PRTN3: variants seen among roughly 807,000 people sequenced by gnomAD.
The protein encoded by PRTN3 is myeloblastin.
A neutral mutation model predicts 20.7 loss-of-function variants in PRTN3; 22 were observed. The observed-to-expected ratio is 1.06, with a 90% CI of 0.76 to 1.52. PRTN3 has a LOEUF of 1.52. PRTN3 is among the 40% of genes most tolerant of loss of function. The pLI, the probability that PRTN3 is intolerant of heterozygous loss-of-function variation, is 0.00. For synonymous variants in PRTN3, 173 were observed against 152.9 expected (o/e 1.13, Z -0.97); for missense variants, 378 against 359.6 (o/e 1.05, Z -0.41).
rs761426816 is a variant in PRTN3 at position 843,453 on chromosome 19, C to G, written c.62-8C>G. 7 of 1,553,020 alleles carry G rather than the reference C, an allele frequency of 4.5e-6. No individual in the cohort carries two copies. The highest frequency in any genetic ancestry group is 1.7e-4 in the Middle Eastern group (1 of 5,880). On this transcript the variant is annotated splice_region_variant and splice_polypyrimidine_tract_variant and intron_variant, in intron 1 of 4. Coordinates refer to ENST00000234347, the MANE Select transcript of PRTN3 (RefSeq NM_002777.4). ...GGGCTCCCTGACGCCTGGACTCCCC[C>G]CCTGCAGGTGCTGCCCGAGCTGCGG...
In PRTN3 at chr19:847,866, G is replaced by T; in HGVS notation, c.668G>T (p.Gly223Val). 6.2e-7 allele frequency: 1 copy of T among 1,608,286 alleles called. No individual in the cohort carries two copies. Among genetic ancestry groups the T allele is most frequent in the South Asian group, 1.1e-5 (1 of 89,888 alleles). Reference protein sequence around the residue: ...IQGIDSFVIWGCATRLFPDFF... With the variant: ...IQGIDSFVIWVCATRLFPDFF... ...GGAATAGACTCCTTCGTGATCTGGG[G>T]ATGTGCCACCCGCCTTTTCCCTGAC... The change falls in exon 5 of 5, where the codon GGA (glycine) becomes GTA (valine). Residue 223 changes from glycine to valine, a missense_variant. Transcript: ENST00000234347.
In PRTN3 at chr19:847,767, C is replaced by T. The variant is rs180723706; in HGVS notation, c.601-32C>T. ...TCCTCCAGGGAGACTCAGGTGGCCC[C>T]TGATGGGTGACTGGCCGTCCCTGTC... On this transcript the variant is annotated intron_variant, in intron 4 of 4. Coordinates refer to ENST00000234347, the MANE Select transcript of PRTN3 (RefSeq NM_002777.4). 274 of 1,587,588 alleles carry T rather than the reference C, an allele frequency of 1.7e-4. 1 individual carries two copies. In the African/African-American group the frequency reaches 3.5e-3, roughly 20 times the overall value.
In PRTN3 at chr19:848,086, C is replaced by T. The variant is rs750281886; in HGVS notation, c.*117C>T. The T allele has an allele frequency of 4.4e-5, 57 of 1,286,680 alleles. No individual in the cohort carries two copies. The highest frequency in any genetic ancestry group is 5.5e-5 in the Non-Finnish European group (52 of 950,890). The allele number at this position is 1,286,680 out of a possible 1,614,324, so 79.7% of individuals were successfully genotyped here. A position where few individuals can be genotyped will look rare whatever the true frequency, so the allele number is the denominator to read the frequency against. Reference sequence around the variant, plus strand: ...CTGTGGCGTCCGGGACGGCCCCACCCGTCCCCCCACACTCCCTCCCACGGG... The same window carrying T: ...CTGTGGCGTCCGGGACGGCCCCACCTGTCCCCCCACACTCCCTCCCACGGG... On this transcript the variant is annotated 3_prime_UTR_variant, in exon 5 of 5. Coordinates refer to ENST00000234347, the MANE Select transcript of PRTN3 (RefSeq NM_002777.4).
chr19:844,642 G>A (rs1380103389), intron 3 of PRTN3, among the ~76,000 whole-genome samples: 3 of 150,142 alleles, frequency 2.0e-5, no homozygotes, highest in Non-Finnish European at 3.0e-5. Context: ...AGCCCTCCCC[G>A]ATTCACTGTT....
chr19:843,275 G>C lies in PRTN3; in HGVS notation c.62-186G>C, dbSNP rs1184673469. On this transcript the variant is annotated intron_variant, in intron 1 of 4. Transcript: ENST00000234347. ...CAGGACTGAAAGCTGCCACCAGGGC[G>C]CCTTTGGAAATCGTCGTAATTATAA... 5.0e-6 allele frequency: 3 copies of C among 595,282 alleles called. No individual in the cohort carries two copies. In the Admixed American group the frequency reaches 9.6e-5, roughly 19 times the overall value. 36.9% of individuals were successfully genotyped at this position (595,282 alleles called of 1,614,324 possible). A position where few individuals can be genotyped will look rare whatever the true frequency, so the allele number is the denominator to read the frequency against.
intron 4 of PRTN3, among the ~76,000 whole-genome samples, chr19:847,525 G>GAA (rs1555707973): frequency 1.4e-5 from 2 of 147,622 alleles, no homozygotes; most frequent in Non-Finnish European, 3.0e-5. Context: ...AAGAAAAAGA[G>GAA]AGAAAGAAAG....
Position 847,801 on chromosome 19 carries a change from AG to A in PRTN3, c.604del (p.Asp202ThrfsTer6), listed in dbSNP as rs769625890. 3.7e-6 allele frequency: 6 copies of A among 1,607,184 alleles called. No homozygotes were observed. The Admixed American group carries it at 1.0e-4, about 27-fold the overall frequency. On this transcript the variant is annotated frameshift_variant, in exon 5 of 5. Coordinates refer to ENST00000234347, the MANE Select transcript of PRTN3 (RefSeq NM_002777.4). LOFTEE classifies it low-confidence loss of function (END_TRUNC). ...GACTGGCCGTCCCTGTCCTCCAGGG[AG>A]ACTCAGGTGGCCCCCTGATCTGTGA... Reference protein sequence around the residue: ...PRRKAGICFGDSGGPLICDGI... With the variant: ...PRRKAGICFGXSGGPLICDGI...
intron 4 of PRTN3, among the ~76,000 whole-genome samples, 179 bp downstream of exon 4, chr19:846,556 T>C (rs919528919): frequency 6.6e-6 from 1 of 152,036 alleles, no homozygotes; most frequent in Non-Finnish European, 1.5e-5. Flanking sequence ...GGCGCTCACA[T>C]TGCACCTGGC....
chr19:844,521 C>T (rs1436199222), intron 3 of PRTN3, among the ~76,000 whole-genome samples: 1 of 132,492 alleles, frequency 7.5e-6, no homozygotes, highest in Non-Finnish European at 1.6e-5. Context: ...CCTGCCTGCC[C>T]CTCTCCCCTG....
intron 1 of PRTN3, 69 bp downstream of exon 1, chr19:841,138 G>A (rs1486219989): frequency 3.2e-6 from 5 of 1,557,110 alleles, no homozygotes; most frequent in South Asian, 1.2e-5. Flanking sequence ...TATCCACCAC[G>A]AGGTCCATCC....
At chr19:841,137 C>G (rs1190450417) in intron 1 of PRTN3, 68 bp downstream of exon 1, 2 of 1,549,096 alleles carry the variant, frequency 1.3e-6, no homozygotes, top group African/African-American at 1.3e-5. Flanking sequence ...ATATCCACCA[C>G]GAGGTCCATC....
rs776206527 is a variant in PRTN3 at position 846,271 on chromosome 19, C to CT, written c.494_495insT (p.Ala167SerfsTer20). 52 of 1,582,190 alleles carry CT rather than the reference C, an allele frequency of 3.3e-5. No homozygotes were observed. The Admixed American group carries it at 4.0e-4, about 12-fold the overall frequency. ...TGGGGCCGCGTGGGTGCCCACGACC[C>CT]CCCAGCCCAGGTCCTGCAGGAGCTC... On this transcript the variant is annotated frameshift_variant, in exon 4 of 5. Coordinates refer to ENST00000234347, the MANE Select transcript of PRTN3 (RefSeq NM_002777.4). LOFTEE classifies it high-confidence loss of function.
chr19:843,812 G>C, intron 2 of PRTN3, 81 bp from the exon 3 acceptor site: 1 of 1,495,712 alleles, frequency 6.7e-7, no homozygotes, highest in Admixed American at 2.2e-5. Context: ...GTCTGGGGCT[G>C]CACCGCGGCC....
intron 3 of PRTN3, among the ~76,000 whole-genome samples, chr19:844,835 C>A (rs1244862377): frequency 1.3e-5 from 2 of 152,014 alleles, no homozygotes; most frequent in Non-Finnish European, 2.9e-5. Flanking sequence ...GGCACTGTGG[C>A]TCACGCCTGT....
At chr19:846,584 G>A (rs901236302) in intron 4 of PRTN3, among the ~76,000 whole-genome samples, 1 of 152,164 alleles carries the variant, frequency 6.6e-6, no homozygotes, top group Admixed American at 6.6e-5. Context: ...GTGGGTCTGG[G>A]GGTTCCCTGC....
At chr19:842,250 T>C (rs985250408) in intron 1 of PRTN3, among the ~76,000 whole-genome samples, 2 of 151,144 alleles carry the variant, frequency 1.3e-5, no homozygotes, top group African/African-American at 4.9e-5. Flanking sequence ...GGTCTCGAAC[T>C]CCTGACCTGA....
At position 843,539 on chromosome 19, in the gene PRTN3, T is replaced by A; in HGVS notation, c.140T>A (p.Met47Lys). The change falls in exon 2 of 5, where the codon ATG (methionine) becomes AAG (lysine). Residue 47 changes from methionine to lysine, a missense_variant. Physicochemically the swap from Met to Lys is moderately conservative, Grantham distance 95 (BLOSUM62 -1). Transcript: ENST00000234347. ...CGGCCCTACATGGCCTCCCTGCAGA[T>A]GCGGGGGAACCCGGGCAGCCACTTC... Reference protein sequence around the residue: ...HSRPYMASLQMRGNPGSHFCG... With the variant: ...HSRPYMASLQKRGNPGSHFCG... 6.3e-7 allele frequency: 1 copy of A among 1,597,614 alleles called. No individual in the cohort carries two copies. The highest frequency in any genetic ancestry group is 2.3e-5 in the East Asian group (1 of 44,374).
chr19:841,455 A>G (rs1198520333), intron 1 of PRTN3, among the ~76,000 whole-genome samples: 1 of 152,072 alleles, frequency 6.6e-6, no homozygotes, highest in African/African-American at 2.4e-5. Context: ...TGAACAAATG[A>G]ATGAGTGAAT....
At chr19:842,124 C>G (rs1011097208) in intron 1 of PRTN3, among the ~76,000 whole-genome samples, 3 of 151,636 alleles carry the variant, frequency 2.0e-5, no homozygotes, top group Non-Finnish European at 4.4e-5. Flanking sequence ...CTCCTGGGGT[C>G]AAATGATTCT....
Sources: allele counts gnomAD v4.1 joint callset (sites outside exome capture counted in the v4.1 genomes callset), GRCh38; gene constraint gnomAD v4.1.1; transcripts MANE v1.5; gene names NCBI Gene and HGNC (gene_info 2026-07-23, HGNC 2026-07-21).